AKAP13: variants seen among roughly 807,000 people sequenced by gnomAD.
AKAP13 encodes the protein A-kinase anchoring protein 13, also known as A-kinase anchor protein 13.
Under a neutral mutation model 264.5 loss-of-function variants are expected in AKAP13, and 80 were observed. The ratio of observed to expected loss-of-function variants is 0.30; its 90% CI spans 0.25 to 0.36. The LOEUF is 0.36. Among genes scored for constraint, AKAP13 ranks in the 10% least tolerant of loss-of-function variants. The pLI is 1.00. For missense variants in AKAP13, 3,712 were observed against 3,435.2 expected, an observed-to-expected ratio of 1.08 and a Z score of -2.01; for synonymous variants, 1,380 against 1,250.2, an observed-to-expected ratio of 1.10 and a Z score of -2.19.
intron 1 of AKAP13, among the ~76,000 whole-genome samples, chr15:85,386,304 AT>A (rs899215206): frequency 1.7e-4 from 25 of 145,788 alleles, no homozygotes; most frequent in Admixed American, 2.7e-4. Flanking sequence ...ACAAGTTATT[AT>A]TTTTTTTTTT....
chr15:85,638,662 T>C (rs1429299824), intron 8 of AKAP13, among the ~76,000 whole-genome samples: 1 of 152,172 alleles, frequency 6.6e-6, no homozygotes, highest in African/African-American at 2.4e-5. Context: ...AAATTTTTTT[T>C]AATTTGTGGG....
Position 85,746,873 on chromosome 15 carries a change from T to C in AKAP13, c.*2196T>C, listed in dbSNP as rs1476425285. The stretch of plus-strand genomic sequence containing the variant: ...CCCCTGTTCTCCGGGTTTGGAACAA[T>C]ACGAGGTTGGTGCTGATGGGATTTA... On this transcript the variant is annotated 3_prime_UTR_variant, in exon 37 of 37. Coordinates refer to ENST00000394518, the MANE Select transcript of AKAP13 (RefSeq NM_007200.5). The C allele has an allele frequency of 6.6e-6, 1 of 152,200 alleles. No homozygotes were observed. Among genetic ancestry groups the C allele is most frequent in the Non-Finnish European group, 1.5e-5 (1 of 68,050 alleles). The allele number at this position is 152,200 out of a possible 1,614,324, so 9.4% of individuals were successfully genotyped here. A position where few individuals can be genotyped will look rare whatever the true frequency, so the allele number is the denominator to read the frequency against.
chr15:85,639,330 C>A, intron 8 of AKAP13, 44 bp from the exon 9 acceptor site: 1 of 1,383,482 alleles, frequency 7.2e-7, no homozygotes, highest in Non-Finnish European at 1.0e-6. Flanking sequence ...AATTATCTCA[C>A]ATTACTTCAA....
chr15:85,598,524 G>A (rs1260477736), intron 8 of AKAP13, among the ~76,000 whole-genome samples: 1 of 152,198 alleles, frequency 6.6e-6, no homozygotes, highest in Non-Finnish European at 1.5e-5. Context: ...AAATTATGCT[G>A]TTGGAACATA....
intron 4 of AKAP13, among the ~76,000 whole-genome samples, chr15:85,542,892 C>T (rs1466450182): frequency 6.6e-6 from 1 of 152,180 alleles, no homozygotes; most frequent in African/African-American, 2.4e-5. Context: ...TTTGTTACAC[C>T]TCTGTGAGTG....
chr15:85,606,090 C>CTTTTGTTTTTTTTTTTTTTTTTTT (rs2080311822), intron 8 of AKAP13, among the ~76,000 whole-genome samples: 1 of 88,380 alleles, frequency 1.1e-5, no homozygotes. Flanking sequence ...GTTTGATCTA[C>CTTTTGTTTTTTTTTTTTTTTTTTT]TTTTTTTTTT....
At chr15:85,403,152 T>C (rs1276773844) in intron 1 of AKAP13, among the ~76,000 whole-genome samples, 1 of 152,172 alleles carries the variant, frequency 6.6e-6, no homozygotes, top group African/African-American at 2.4e-5. Flanking sequence ...TGAAATAAGC[T>C]ATGTTTTCTT....
intron 6 of AKAP13, among the ~76,000 whole-genome samples, chr15:85,575,955 C>T (rs1429168485): frequency 2.0e-5 from 3 of 152,210 alleles, no homozygotes; most frequent in Non-Finnish European, 4.4e-5. Context: ...CACTGCACTC[C>T]TGCCGGGGTG....
At chr15:85,423,787 G>A (rs2150906153) in intron 1 of AKAP13, among the ~76,000 whole-genome samples, 1 of 152,334 alleles carries the variant, frequency 6.6e-6, no homozygotes. Flanking sequence ...CTAGGATTAT[G>A]AAATTAGTTT....
At chr15:85,461,408 G>A (rs2074507532) in intron 1 of AKAP13, among the ~76,000 whole-genome samples, 3 of 152,112 alleles carry the variant, frequency 2.0e-5, no homozygotes, top group Admixed American at 6.5e-5. Context: ...GAGCCACTGC[G>A]CCCGGCCCGT....
intron 14 of AKAP13, among the ~76,000 whole-genome samples, chr15:85,673,708 A>G (rs2084054970): frequency 9.4e-6 from 1 of 106,492 alleles, no homozygotes; most frequent in Non-Finnish European, 1.8e-5. Flanking sequence ...GACAGAACAG[A>G]ATCTTGCTCT....
chr15:85,480,529 G>A (rs756006522), intron 1 of AKAP13, among the ~76,000 whole-genome samples: 2 of 151,232 alleles, frequency 1.3e-5, no homozygotes, highest in Non-Finnish European at 2.9e-5. Context: ...ACAGTTAATT[G>A]TAGAGGACTT....
intron 1 of AKAP13, among the ~76,000 whole-genome samples, chr15:85,459,932 A>G (rs969418304): frequency 1.3e-5 from 2 of 152,132 alleles, no homozygotes; most frequent in Non-Finnish European, 2.9e-5. Context: ...AATATTTCTC[A>G]AATTTGTTTT....
chr15:85,640,899 A>G (rs2082278284), intron 9 of AKAP13, among the ~76,000 whole-genome samples: 1 of 152,190 alleles, frequency 6.6e-6, no homozygotes, highest in Non-Finnish European at 1.5e-5. Context: ...TTTCCCCAGG[A>G]CACAATTTTG....
At chr15:85,627,103 T>A (rs2081443995) in intron 8 of AKAP13, among the ~76,000 whole-genome samples, 1 of 152,162 alleles carries the variant, frequency 6.6e-6, no homozygotes, top group African/African-American at 2.4e-5. Flanking sequence ...AATGCCACCT[T>A]TAGTGTGTCT....
At chr15:85,444,446 T>C (rs1184201336) in intron 1 of AKAP13, among the ~76,000 whole-genome samples, 1 of 152,202 alleles carries the variant, frequency 6.6e-6, no homozygotes, top group Admixed American at 6.5e-5. Context: ...AAGTAAAATG[T>C]TTTCACATCT....
rs1044380883 is a variant in AKAP13, at chr15:85,686,959, A to G, written c.5289+2086A>G. ...AAACTACTGAATCTTGTCTTCAAAC[A>G]AGCTTTTCGTGGAAGACCAATAAAT... is the stretch of plus-strand genomic sequence containing the variant. On this transcript the variant is annotated intron_variant, in intron 16 of 36. Transcript: ENST00000394518. Among the ~76,000 whole-genome samples the G allele has an allele frequency of 1.1e-4, 17 of 152,358 alleles. No individual in the cohort carries two copies. The East Asian group carries it at 1.5e-3, about 14-fold the overall frequency.
chr15:85,422,198 G>A (rs1274498448), intron 1 of AKAP13, among the ~76,000 whole-genome samples: 3 of 152,158 alleles, frequency 2.0e-5, no homozygotes, highest in East Asian at 3.8e-4. Flanking sequence ...GGTAGGAGAG[G>A]ACATACTAGG....
At chr15:85,436,144 AAAAAAAGGCAGGGGTTG>A (rs2073278364) in intron 1 of AKAP13, among the ~76,000 whole-genome samples, 1 of 89,404 alleles carries the variant, frequency 1.1e-5, no homozygotes, top group Non-Finnish European at 2.3e-5. Context: ...AATGGAAAAC[AAAAAAAGGCAGGGGTTG>A]CAATCCTAGT....
Sources: gnomAD v4.1 joint callset for allele counts (sites outside exome capture counted in the v4.1 genomes callset) on GRCh38, gnomAD v4.1.1 for gene constraint, MANE v1.5 for transcripts, NCBI Gene and HGNC (gene_info 2026-07-23, HGNC 2026-07-21) for gene names.